The following ZNF226 variants were observed in gnomAD, a reference collection of about 807,000 sequenced individuals.
The protein encoded by ZNF226 is Kruppel-associated box protein.
A neutral mutation model predicts 11.4 loss-of-function variants in ZNF226; 6 were observed. That is an observed-to-expected ratio of 0.53 (90% CI 0.29 to 1.04). The LOEUF (loss-of-function observed/expected upper bound fraction) is 1.04. Among genes scored for constraint, ZNF226 ranks in the 50% least tolerant of loss-of-function variants. The pLI, the probability that ZNF226 is intolerant of heterozygous loss-of-function variation, is 0.08. For synonymous variants in ZNF226, 350 were observed against 322.8 expected, an observed-to-expected ratio of 1.08 and a Z score of -0.90; for missense variants, 1,058 against 956.5, an observed-to-expected ratio of 1.11 and a Z score of -1.40.
rs34967576 is a variant in ZNF226, at chr19:44,168,998, C to CTTTTTTTT, written c.-46-1016_-46-1009dup. Among the ~76,000 whole-genome samples the CTTTTTTTT allele has an allele frequency of 1.6e-3, 146 of 90,806 alleles. 29 individuals carry two copies. The highest frequency in any genetic ancestry group is 6.4e-3 in the African/African-American group (108 of 16,816). 59.6% of individuals were successfully genotyped at this position (90,806 alleles called of 152,430 possible). ...TATAGACTCAGGTTCCTCCCTTTTC[C>CTTTTTTTT]TTTTTTTTTTTTTTTTTTTTTTTTT... is the stretch of plus-strand genomic sequence containing the variant. On this transcript the variant is annotated intron_variant, in intron 2 of 5. Transcript: ENST00000337433.
chr19:44,189,800 G>C, the ZNF226 span, among the ~76,000 whole-genome samples: 1 of 152,216 alleles, frequency 6.6e-6, no homozygotes, highest in Non-Finnish European at 1.5e-5. Flanking sequence ...ACAGCATAAA[G>C]ACATCAACTT....
chr19:44,183,348 A>G (rs1464793938), downstream of ZNF226, among the ~76,000 whole-genome samples: 1 of 152,220 alleles, frequency 6.6e-6, no homozygotes, highest in Admixed American at 6.5e-5. Context: ...CCCAAGTTTC[A>G]GAATGCAGAA....
At chr19:44,194,504 C>T in the ZNF226 span, among the ~76,000 whole-genome samples, 1 of 152,078 alleles carries the variant, frequency 6.6e-6, no homozygotes, top group Admixed American at 6.6e-5. Context: ...GTTTGGAAGT[C>T]CTGGTTTCAT....
At chr19:44,181,038 T>C (rs1568577427), downstream of ZNF226, among the ~76,000 whole-genome samples, 1 of 152,188 alleles carries the variant, frequency 6.6e-6, no homozygotes, top group African/African-American at 2.4e-5. Flanking sequence ...CACTCAAGAT[T>C]AGACAGCTAG....
chr19:44,196,436 G>A, the ZNF226 span, among the ~76,000 whole-genome samples: 1 of 152,136 alleles, frequency 6.6e-6, no homozygotes, highest in African/African-American at 2.4e-5. Context: ...ATATGGCCAA[G>A]CTATCAAAAG....
downstream of ZNF226, among the ~76,000 whole-genome samples, chr19:44,180,117 G>T (rs1328345566): frequency 7.5e-6 from 1 of 133,452 alleles, no homozygotes; most frequent in South Asian, 2.4e-4. Context: ...AAAAACCCAA[G>T]AAGGTGAGGG....
rs1256946134 is a variant in ZNF226 at position 44,172,868 on chromosome 19, C to G, written c.151C>G (p.Pro51Ala). The G allele has an allele frequency of 2.5e-6, 4 of 1,600,540 alleles. No individual in the cohort carries two copies. In the Admixed American group the frequency reaches 6.9e-5, roughly 28 times the overall value. Residue 51 changes from proline to alanine, a missense_variant, in exon 5 of 6, where the codon CCC becomes GCC. Coordinates refer to ENST00000337433, the MANE Select transcript of ZNF226 (RefSeq NM_001032373.2). ...ATTTGGCATTTTCACAGGGCATCCACCCTTCAAACAAGATGTATCACCTAT... is the reference window on the plus strand; with the variant it reads ...ATTTGGCATTTTCACAGGGCATCCAGCCTTCAAACAAGATGTATCACCTAT... ...FRNLLSVGHP[P>A]FKQDVSPIER...
At position 44,177,594 on chromosome 19, in the gene ZNF226, G is replaced by A; in HGVS notation, c.2332G>A (p.Val778Ile). 6.2e-7 allele frequency: 1 copy of A among 1,613,940 alleles called. No homozygotes were observed. The highest frequency in any genetic ancestry group is 1.3e-5 in the African/African-American group (1 of 75,044). ...TCTTACAGTTCATCACAGAATCCATGTTGGTGATAAATCCTATAAAAGTAA... is the reference window on the plus strand; with the variant it reads ...TCTTACAGTTCATCACAGAATCCATATTGGTGATAAATCCTATAAAAGTAA... ...SNLTVHHRIH[V>I]GDKSYKSNRG... Residue 778 changes from valine to isoleucine, a missense_variant, in exon 6 of 6, where the codon GTT (valine) becomes ATT (isoleucine). Transcript: ENST00000337433.
the ZNF226 span, among the ~76,000 whole-genome samples, chr19:44,184,348 G>A: frequency 4.2e-4 from 64 of 152,258 alleles, no homozygotes; most frequent in Middle Eastern, 3.4e-3. Context: ...TTGGGAGGCC[G>A]AGGCAGGTGG....
the ZNF226 span, among the ~76,000 whole-genome samples, chr19:44,186,754 T>C: frequency 6.6e-6 from 1 of 152,054 alleles, no homozygotes; most frequent in Non-Finnish European, 1.5e-5. Flanking sequence ...ATCCTTGCCT[T>C]GTTCCTGATC....
chr19:44,190,012 G>C, the ZNF226 span, among the ~76,000 whole-genome samples: 1 of 152,158 alleles, frequency 6.6e-6, no homozygotes, highest in Non-Finnish European at 1.5e-5. Flanking sequence ...AGGGAACCTA[G>C]AATAACTTAG....
In ZNF226 at chr19:44,176,707, A is replaced by C. The variant is rs759539042; in HGVS notation, c.1445A>C (p.Lys482Thr). The C allele has an allele frequency of 1.8e-5, 29 of 1,613,966 alleles. No homozygotes were observed. In the Admixed American group the frequency reaches 4.0e-4, roughly 22 times the overall value. Residue 482 changes from lysine to threonine, a missense_variant, in exon 6 of 6, where the codon AAA (lysine) becomes ACA (threonine). By Grantham distance (78) the Lys-to-Thr change is moderately conservative (BLOSUM62 -1). Transcript: ENST00000337433. ...TCATACATATGTACTGTATGTGGGA[A>C]AGGCTTTACTCTGAGTTCAAATCTT... ...EKSYICTVCG[K>T]GFTLSSNLQA...
chr19:44,174,805 T>A (rs1970530948), intron 5 of ZNF226: 1 of 437,788 alleles, frequency 2.3e-6, no homozygotes, highest in South Asian at 8.2e-5. Context: ...CAATTTTGAC[T>A]CAGTGCAAAA....
At chr19:44,167,314 CTTT>C (rs35919865) in intron 2 of ZNF226, among the ~76,000 whole-genome samples, 1 of 105,682 alleles carries the variant, frequency 9.5e-6, no homozygotes, top group Non-Finnish European at 1.8e-5. Flanking sequence ...ATTTCTTTAA[CTTT>C]TTTTTTTTTT....
At chr19:44,175,291 G>T in intron 5 of ZNF226, 2 of 1,404,516 alleles carry the variant, frequency 1.4e-6, no homozygotes, top group Non-Finnish European at 1.8e-6. Flanking sequence ...TTAGTGCTTA[G>T]CAATTGGGAG....
At chr19:44,186,803 A>G in the ZNF226 span, among the ~76,000 whole-genome samples, 1 of 151,390 alleles carries the variant, frequency 6.6e-6, no homozygotes. Context: ...ATTGAATATG[A>G]TATTAACTGT....
the ZNF226 span, among the ~76,000 whole-genome samples, chr19:44,191,152 T>G: frequency 6.6e-6 from 1 of 152,216 alleles, no homozygotes; most frequent in Admixed American, 6.5e-5. Context: ...AGTTCATTAA[T>G]CTTGAAGTTA....
At position 44,172,970 on chromosome 19, in the gene ZNF226, A is replaced by T; in HGVS notation, c.235+18A>T. On this transcript the variant is annotated intron_variant, in intron 5 of 5. Coordinates refer to ENST00000337433, the MANE Select transcript of ZNF226 (RefSeq NM_001032373.2). ...AAATTTAGGTAAAAACCAAACAGTT[A>T]TGAGTTCTTATAGTTAACTGTCCAT... is the stretch of plus-strand genomic sequence containing the variant. The T allele has an allele frequency of 6.4e-7, 1 of 1,569,334 alleles. No homozygotes were observed. The highest frequency in any genetic ancestry group is 8.7e-7 in the Non-Finnish European group (1 of 1,154,994).
chr19:44,193,317 A>G, the ZNF226 span, among the ~76,000 whole-genome samples: 108 of 152,254 alleles, frequency 7.1e-4, no homozygotes, highest in Middle Eastern at 3.4e-3. Flanking sequence ...ATCACTGTAA[A>G]ATTGTAGTCA....
Sources: gnomAD v4.1 joint callset for allele counts (sites outside exome capture counted in the v4.1 genomes callset) on GRCh38, gnomAD v4.1.1 for gene constraint, MANE v1.5 for transcripts, NCBI Gene and HGNC (gene_info 2026-07-23, HGNC 2026-07-21) for gene names.